The following ALDH1A2 variants were observed in gnomAD, a reference collection of about 807,000 sequenced individuals.
ALDH1A2 encodes the protein aldehyde dehydrogenase 1 family member A2, also known as retinal dehydrogenase 2.
Under a neutral mutation model 60.3 loss-of-function variants are expected in ALDH1A2, and 27 were observed. The observed-to-expected ratio is 0.45, with a 90% confidence interval of 0.33 to 0.62. ALDH1A2 has a LOEUF of 0.62. Ranked by LOEUF, ALDH1A2 falls within the 20% of genes least tolerant of loss-of-function variation. The pLI is 0.02. For synonymous variants in ALDH1A2, 289 were observed against 232.4 expected (o/e 1.24, Z -2.21); for missense variants, 581 against 643.8 (o/e 0.90, Z 1.06).
intron 1 of ALDH1A2, among the ~76,000 whole-genome samples, chr15:58,015,957 TATA>T (rs1895777259): frequency 1.1e-4 from 17 of 152,138 alleles, no homozygotes; most frequent in Admixed American, 1.1e-3. Flanking sequence ...TTGAACACAG[TATA>T]AAGTCCAGGT....
At chr15:58,061,367 G>C (rs1897028531) in intron 1 of ALDH1A2, among the ~76,000 whole-genome samples, 1 of 151,030 alleles carries the variant, frequency 6.6e-6, no homozygotes, top group African/African-American at 2.4e-5. Flanking sequence ...AGGTTTGGAA[G>C]GATCTAGATC....
intron 1 of ALDH1A2, among the ~76,000 whole-genome samples, chr15:58,019,802 C>G (rs1047109591): frequency 6.6e-6 from 1 of 152,112 alleles, no homozygotes; most frequent in Non-Finnish European, 1.5e-5. Flanking sequence ...GGAAATGAAT[C>G]ACTTTCTTTT....
In ALDH1A2 at chr15:57,962,081, T is replaced by C. The variant is rs754668949; in HGVS notation, c.1182A>G (p.Arg394=). The C allele has an allele frequency of 1.2e-6, 2 of 1,614,158 alleles. No homozygotes were observed. The highest frequency in any genetic ancestry group is 2.2e-5 in the East Asian group (1 of 44,884). ...CTGTGGGCTCAATGAAAAACCCCTT[T>C]CGGCCCAGTCCTTTGCCTCCACATT... ...KLECGGKGLG[R]KGFFIEPTVF... Residue 394 remains arginine (R), a synonymous_variant, in exon 10 of 13, where the codon CGA becomes CGG. Coordinates refer to ENST00000249750, the MANE Select transcript of ALDH1A2 (RefSeq NM_003888.4).
Position 58,014,239 on chromosome 15 carries a change from C to G in ALDH1A2, c.160G>C (p.Val54Leu). The change falls in exon 2 of 13, where the codon GTG becomes CTG. Residue 54 changes from valine (V) to leucine (L), a missense_variant. By Grantham distance (32) the Val-to-Leu change is conservative (BLOSUM62 1). Transcript: ENST00000249750. ...NEWQNSESGRVFPVYNPATGE... is the reference protein window; with the variant it reads ...NEWQNSESGRLFPVYNPATGE... Reference sequence around the variant, plus strand: ...GTGGCTGGATTATAGACAGGGAACACTCTCCCACTCTCTGAGTTCTGCCAC... The same window carrying G: ...GTGGCTGGATTATAGACAGGGAACAGTCTCCCACTCTCTGAGTTCTGCCAC... 3 of 1,614,092 alleles carry G rather than the reference C, an allele frequency of 1.9e-6. No individual in the cohort carries two copies. The highest frequency in any genetic ancestry group is 2.5e-6 in the Non-Finnish European group (3 of 1,179,966).
At chr15:58,010,895 C>T in intron 3 of ALDH1A2, 117 bp from the exon 4 acceptor site, 2 of 1,303,958 alleles carry the variant, frequency 1.5e-6, no homozygotes, top group Non-Finnish European at 2.2e-6. Flanking sequence ...GAGTTGCATA[C>T]CTGGTCAACT....
chr15:58,013,802 T>C (rs964099589), intron 3 of ALDH1A2, 56 bp downstream of exon 3: 7 of 1,606,338 alleles, frequency 4.4e-6, no homozygotes, highest in South Asian at 2.2e-5. Flanking sequence ...AGAATGTAAA[T>C]TTCAGCAGAA....
At position 58,043,429 on chromosome 15, in the gene ALDH1A2, T is replaced by C. The variant is rs79437145; in HGVS notation, c.117+22105A>G. Reference sequence around the variant, plus strand: ...CACCAGTGGGCGCTCAATAAGAAAGTGTATCAGAAGTTCTGTGATAACATA... The same window carrying C: ...CACCAGTGGGCGCTCAATAAGAAAGCGTATCAGAAGTTCTGTGATAACATA... On this transcript the variant is annotated intron_variant, in intron 1 of 12. Transcript: ENST00000249750. 1.5e-3 allele frequency among the ~76,000 whole-genome samples: 229 copies of C among 152,106 alleles called. 2 individuals carry two copies. Among genetic ancestry groups the C allele is most frequent in the African/African-American group, 5.2e-3 (217 of 41,540 alleles).
chr15:57,990,356 A>T (rs1894852709), intron 7 of ALDH1A2: 1 of 152,090 alleles, frequency 6.6e-6, no homozygotes, highest in Non-Finnish European at 1.5e-5. Flanking sequence ...TACAAGTAAA[A>T]TTTTTCTTGG....
At chr15:58,020,296 T>C (rs1358954119) in intron 1 of ALDH1A2, among the ~76,000 whole-genome samples, 1 of 152,216 alleles carries the variant, frequency 6.6e-6, no homozygotes, top group East Asian at 1.9e-4. Flanking sequence ...TGCATGTATC[T>C]TTATAATATG....
At chr15:57,961,320 A>C (rs1430942985) in intron 10 of ALDH1A2, 26 bp from the exon 11 acceptor site, 1 of 1,611,748 alleles carries the variant, frequency 6.2e-7, no homozygotes, top group African/African-American at 1.3e-5. Flanking sequence ...ATGACTCAAC[A>C]TGGTTGCTCT....
chr15:58,022,009 C>T (rs370811435), intron 1 of ALDH1A2, among the ~76,000 whole-genome samples: 20 of 152,288 alleles, frequency 1.3e-4, no homozygotes, highest in Non-Finnish European at 2.5e-4. Context: ...CCCCACCTGC[C>T]GGTCCAGGCT....
intron 7 of ALDH1A2, chr15:57,980,089 C>T (rs1894435454): frequency 3.3e-6 from 1 of 299,786 alleles, no homozygotes; most frequent in Admixed American, 3.9e-5. Flanking sequence ...GATGCCTCTT[C>T]ACGCCATACA....
At chr15:58,038,051 A>G (rs1422367120) in intron 1 of ALDH1A2, among the ~76,000 whole-genome samples, 1 of 151,688 alleles carries the variant, frequency 6.6e-6, no homozygotes, top group Non-Finnish European at 1.5e-5. Flanking sequence ...CTTGAAATCT[A>G]CATCTCTGAA....
intron 4 of ALDH1A2, among the ~76,000 whole-genome samples, chr15:58,003,264 A>T (rs751749074): frequency 1.3e-5 from 2 of 151,836 alleles, no homozygotes; most frequent in African/African-American, 4.8e-5. Flanking sequence ...CTAACAAGCA[A>T]GCCCTGGTTG....
chr15:57,974,332 C>G (rs1386173149), intron 7 of ALDH1A2, among the ~76,000 whole-genome samples: 42 of 149,970 alleles, frequency 2.8e-4, no homozygotes, highest in Non-Finnish European at 1.0e-4. Flanking sequence ...ACTTGGGAGG[C>G]TGAGGCAGGA....
intron 7 of ALDH1A2, among the ~76,000 whole-genome samples, chr15:57,973,976 A>T (rs1406645798): frequency 2.6e-5 from 4 of 152,076 alleles, no homozygotes; most frequent in Non-Finnish European, 5.9e-5. Context: ...TCTCTCTCTC[A>T]GTTCCCTATT....
chr15:58,038,735 A>C (rs1896438216), intron 1 of ALDH1A2, among the ~76,000 whole-genome samples: 1 of 151,786 alleles, frequency 6.6e-6, no homozygotes, highest in Non-Finnish European at 1.5e-5. Context: ...ATATTGTGGT[A>C]GAAGGCAATG....
intron 4 of ALDH1A2, among the ~76,000 whole-genome samples, chr15:58,002,936 A>G (rs1280411540): frequency 6.6e-6 from 1 of 151,884 alleles, no homozygotes; most frequent in African/African-American, 2.4e-5. Flanking sequence ...AACTATGATG[A>G]TAAACTCTAT....
At chr15:58,034,658 TCTTC>T (rs1896329962) in intron 1 of ALDH1A2, among the ~76,000 whole-genome samples, 1 of 151,456 alleles carries the variant, frequency 6.6e-6, no homozygotes, top group African/African-American at 2.4e-5. Flanking sequence ...TTTTTGAGAG[TCTTC>T]CTTCTTTATA....
Sources: allele counts gnomAD v4.1 joint callset (sites outside exome capture counted in the v4.1 genomes callset), GRCh38; gene constraint gnomAD v4.1.1; transcripts MANE v1.5; gene names NCBI Gene and HGNC (gene_info 2026-07-23, HGNC 2026-07-21).